Variants in GRID1 observed in about 807,000 individuals in gnomAD.
GRID1 encodes glutamate ionotropic receptor delta type subunit 1.
A neutral mutation model predicts 98.0 loss-of-function variants in GRID1; 28 were observed. The ratio of observed to expected loss-of-function variants is 0.29; its 90% CI spans 0.21 to 0.39. The LOEUF (loss-of-function observed/expected upper bound fraction) is 0.39. Ranked by LOEUF, GRID1 falls within the 10% of genes least tolerant of loss-of-function variation. The pLI is 1.00. For missense variants in GRID1, 1,111 were observed against 1,340.5 expected (o/e 0.83, Z 2.67); for synonymous variants, 553 against 538.5 (o/e 1.03, Z -0.37).
chr10:85,655,203 G>A (rs1365244225), intron 12 of GRID1, among the ~76,000 whole-genome samples: 1 of 152,190 alleles, frequency 6.6e-6, no homozygotes, highest in Non-Finnish European at 1.5e-5. Flanking sequence ...TTCATTGCCT[G>A]CCTTCTCTGC....
chr10:86,030,882 A>G (rs1843177111), intron 4 of GRID1, among the ~76,000 whole-genome samples: 1 of 152,212 alleles, frequency 6.6e-6, no homozygotes, highest in African/African-American at 2.4e-5. Flanking sequence ...ACTAAGGACT[A>G]GACATGTTCA....
intron 4 of GRID1, among the ~76,000 whole-genome samples, chr10:86,026,829 G>C (rs561492560): frequency 4.6e-5 from 7 of 152,336 alleles, no homozygotes; most frequent in Admixed American, 2.6e-4. Flanking sequence ...GAGACGTGTG[G>C]GGTGTGAATC....
At chr10:85,616,976 C>CCA (rs149372874) in intron 14 of GRID1, among the ~76,000 whole-genome samples, 4 of 152,054 alleles carry the variant, frequency 2.6e-5, no homozygotes, top group African/African-American at 9.7e-5. Context: ...ATAAGCCCTA[C>CCA]CACACACACA....
At chr10:86,098,291 C>T (rs1251463496) in intron 4 of GRID1, among the ~76,000 whole-genome samples, 1 of 152,142 alleles carries the variant, frequency 6.6e-6, no homozygotes. Context: ...TGCAAAGATC[C>T]CTACAGAATC....
intron 8 of GRID1, among the ~76,000 whole-genome samples, chr10:85,737,250 G>A (rs1195879574): frequency 6.6e-6 from 1 of 152,124 alleles, no homozygotes; most frequent in African/African-American, 2.4e-5. Flanking sequence ...AGAGGACAGA[G>A]CTGTAAGAAA....
At chr10:86,106,587 G>A (rs1385817250) in intron 4 of GRID1, among the ~76,000 whole-genome samples, 1 of 152,052 alleles carries the variant, frequency 6.6e-6, no homozygotes, top group Non-Finnish European at 1.5e-5. Context: ...TGCTTCAGGT[G>A]CGGGGATGGG....
At chr10:85,844,231 A>G (rs1842985878) in intron 8 of GRID1, among the ~76,000 whole-genome samples, 1 of 152,088 alleles carries the variant, frequency 6.6e-6, no homozygotes, top group African/African-American at 2.4e-5. Flanking sequence ...AAATTTTAGA[A>G]ATGTAGAATA....
At chr10:86,209,767 C>A (rs556016024) in intron 2 of GRID1, among the ~76,000 whole-genome samples, 1 of 152,172 alleles carries the variant, frequency 6.6e-6, no homozygotes, top group Non-Finnish European at 1.5e-5. Context: ...AGGACTCCCA[C>A]GGAGAGTCCT....
At chr10:85,950,747 G>A (rs1303721691) in intron 4 of GRID1, among the ~76,000 whole-genome samples, 2 of 152,140 alleles carry the variant, frequency 1.3e-5, no homozygotes, top group African/African-American at 4.8e-5. Context: ...GGCACACCAA[G>A]CCCCTTCATC....
At chr10:85,846,017 T>TCTTTGATGTG (rs1843001940) in intron 8 of GRID1, among the ~76,000 whole-genome samples, 1 of 152,114 alleles carries the variant, frequency 6.6e-6, no homozygotes, top group South Asian at 2.1e-4. Flanking sequence ...CTGGTGATGT[T>TCTTTGATGTG]CTTTGATGTG....
chr10:85,922,478 C>T (rs182089585), intron 4 of GRID1, among the ~76,000 whole-genome samples: 1 of 152,210 alleles, frequency 6.6e-6, no homozygotes. Context: ...CCCCCCAACA[C>T]TGGGAGCCTG....
At chr10:85,665,481 T>C (rs2132575703) in intron 12 of GRID1, among the ~76,000 whole-genome samples, 1 of 152,284 alleles carries the variant, frequency 6.6e-6, no homozygotes, top group South Asian at 2.1e-4. Flanking sequence ...CCAGGCACTT[T>C]ACCTAAATCA....
intron 4 of GRID1, among the ~76,000 whole-genome samples, chr10:85,990,637 C>T (rs1238613250): frequency 6.6e-6 from 1 of 152,090 alleles, no homozygotes; most frequent in African/African-American, 2.4e-5. Flanking sequence ...GCTCAGAGTG[C>T]TGAGGAAGGA....
Position 85,974,269 on chromosome 10 carries a change from G to A in GRID1, c.727-58030C>T, listed in dbSNP as rs149953931. ...CGAGGGAAAGTCACACAAAGCCCAA[G>A]CCTCAAGTTTTTTGTTTGTTTTGTT... On this transcript the variant is annotated intron_variant, in intron 4 of 15. Transcript: ENST00000327946. 8.2e-5 allele frequency among the ~76,000 whole-genome samples: 12 copies of A among 146,530 alleles called. No homozygotes were observed. In the East Asian group the frequency reaches 1.8e-3, roughly 22 times the overall value.
intron 6 of GRID1, among the ~76,000 whole-genome samples, chr10:85,861,682 A>G (rs554690411): frequency 2.6e-4 from 39 of 152,326 alleles, no homozygotes; most frequent in Admixed American, 2.4e-3. Flanking sequence ...GGATTCTGCA[A>G]TGAGATCAGC....
chr10:86,199,597 T>A (rs1306461687), intron 3 of GRID1, among the ~76,000 whole-genome samples: 1 of 151,996 alleles, frequency 6.6e-6, no homozygotes, highest in Non-Finnish European at 1.5e-5. Context: ...CCATGTGGGG[T>A]TGCCATTGGG....
chr10:86,246,979 C>T (rs1181052366), intron 2 of GRID1, among the ~76,000 whole-genome samples: 1 of 152,272 alleles, frequency 6.6e-6, no homozygotes. Flanking sequence ...CTCCTCTGCA[C>T]ATTGCTTATC....
intron 4 of GRID1, among the ~76,000 whole-genome samples, chr10:86,029,615 A>C (rs950229760): frequency 6.6e-6 from 1 of 152,180 alleles, no homozygotes; most frequent in Non-Finnish European, 1.5e-5. Context: ...CTTATCATAC[A>C]TTTGTCATTA....
At chr10:85,649,117 C>T (rs889521669) in intron 12 of GRID1, among the ~76,000 whole-genome samples, 1 of 152,170 alleles carries the variant, frequency 6.6e-6, no homozygotes, top group Admixed American at 6.5e-5. Flanking sequence ...TCTGGGTCCC[C>T]AGTAGACTAT....
Sources: gnomAD v4.1 joint callset for allele counts (sites outside exome capture counted in the v4.1 genomes callset) on GRCh38, gnomAD v4.1.1 for gene constraint, MANE v1.5 for transcripts, NCBI Gene and HGNC (gene_info 2026-07-23, HGNC 2026-07-21) for gene names.